Variants in TRPM5 observed in about 807,000 individuals in gnomAD.
The protein encoded by TRPM5 is transient receptor potential cation channel subfamily M member 5, also known as MLSN1 and TRP-related.
In TRPM5, 121 loss-of-function variants were observed where a neutral mutation model predicts 124.9. The ratio of observed to expected loss-of-function variants is 0.97; its 90% CI spans 0.84 to 1.13. The LOEUF is 1.13. TRPM5 is among the 50% of genes most tolerant of loss of function. TRPM5 has a pLI of 0.00. For missense variants in TRPM5, 1,643 were observed against 1,589.1 expected, an observed-to-expected ratio of 1.03 and a Z score of -0.58; for synonymous variants, 781 against 700.5, an observed-to-expected ratio of 1.11 and a Z score of -1.81.
At position 2,412,745 on chromosome 11, in the gene TRPM5, G is replaced by A; in HGVS notation, c.2355+9C>T. On this transcript the variant is annotated intron_variant, in intron 15 of 23. Coordinates refer to ENST00000155858, the Ensembl canonical transcript of TRPM5. ...AGTGGAGGGGACCTAGGCTAGTGTG[G>A]CCACCGACCTGCCGGATTTCCTCCA... 6.3e-7 allele frequency: 1 copy of A among 1,582,586 alleles called. No homozygotes were observed.
chr11:2,423,333 C>A (rs899281150), upstream of TRPM5, among the ~76,000 whole-genome samples: 7 of 152,212 alleles, frequency 4.6e-5, no homozygotes, highest in Admixed American at 1.3e-4. Flanking sequence ...CGCCTGGTTC[C>A]TCTACTCACC....
At chr11:2,428,688 G>A in the TRPM5 span, among the ~76,000 whole-genome samples, 5 of 151,882 alleles carry the variant, frequency 3.3e-5, no homozygotes, top group African/African-American at 1.2e-4. The surrounding 1 kb of genome is among the most constrained non-coding windows in gnomAD (Gnocchi z 4.0). Context: ...AGATGATGAT[G>A]ATAGTGGTGC....
chr11:2,430,863 G>A, the TRPM5 span, among the ~76,000 whole-genome samples: 4 of 144,176 alleles, frequency 2.8e-5, no homozygotes, highest in Admixed American at 3.0e-4. Flanking sequence ...GATGGAGGTG[G>A]TGTTGGTGGT....
the TRPM5 span, among the ~76,000 whole-genome samples, chr11:2,429,349 G>A: frequency 6.6e-6 from 1 of 151,312 alleles, no homozygotes; most frequent in South Asian, 2.1e-4. This position sits in a 1 kb window ranked among gnomAD's most constrained non-coding sequence, Gnocchi z 8.4. Context: ...TGATGACAAT[G>A]AGTATGATGA....
chr11:2,406,539 G>A, intron 21 of TRPM5, 122 bp downstream of exon 26: 5 of 1,354,200 alleles, frequency 3.7e-6, no homozygotes, highest in Non-Finnish European at 5.0e-6. Context: ...CTCGGCCAGA[G>A]CCCTGCCCCT....
chr11:2,413,572 A>G (rs745701490), exon 13 of TRPM5: 6 of 1,612,324 alleles, frequency 3.7e-6, no homozygotes, highest in Non-Finnish European at 8.5e-7. Flanking sequence ...CCCCCACCAG[A>G]TCCTGGTCAG....
exon 23 of TRPM5, chr11:2,405,578 C>T (rs1158771808): frequency 1.9e-6 from 3 of 1,564,314 alleles, no homozygotes; most frequent in African/African-American, 1.3e-5. Context: ...GACACGAGCA[C>T]CGAGCAGTAG....
At chr11:2,416,010 T>A in exon 8 of TRPM5, 1 of 1,594,340 alleles carries the variant, frequency 6.3e-7, no homozygotes. Flanking sequence ...GGCTCCTGGC[T>A]GTGGCTCTTG....
chr11:2,416,065 A>G, intron 7 of TRPM5, 41 bp from the exon 13 acceptor site: 1 of 1,466,910 alleles, frequency 6.8e-7, no homozygotes, highest in South Asian at 1.2e-5. Flanking sequence ...GGTGGAGCTG[A>G]GGGCCTCACA....
the TRPM5 span, among the ~76,000 whole-genome samples, chr11:2,436,505 C>G: frequency 6.6e-6 from 1 of 152,266 alleles, no homozygotes; most frequent in Non-Finnish European, 1.5e-5. Flanking sequence ...CCGGACAGGC[C>G]TGCCTGGGCC....
chr11:2,418,169 G>C, exon 6 of TRPM5: 2 of 1,564,510 alleles, frequency 1.3e-6, no homozygotes, highest in Non-Finnish European at 1.7e-6. Context: ...GCACATACCA[G>C]CTTGGTCCAG....
At chr11:2,441,347 C>T in the TRPM5 span, among the ~76,000 whole-genome samples, 1 of 152,142 alleles carries the variant, frequency 6.6e-6, no homozygotes, top group Non-Finnish European at 1.5e-5. The surrounding 1 kb of genome is among the most constrained non-coding windows in gnomAD (Gnocchi z 7.2). Flanking sequence ...GGCCACTGGG[C>T]TCGGTCAGGC....
chr11:2,414,251 G>A (rs556054826), intron 11 of TRPM5, 45 bp from the exon 17 acceptor site: 33 of 1,577,986 alleles, frequency 2.1e-5, no homozygotes, highest in Middle Eastern at 2.2e-4. Flanking sequence ...GCCGATGCCC[G>A]GCCCGGCCCC....
chr11:2,443,820 CCCA>C, the TRPM5 span, among the ~76,000 whole-genome samples: 10 of 148,756 alleles, frequency 6.7e-5, no homozygotes, highest in African/African-American at 2.5e-4. This position sits in a 1 kb window ranked among gnomAD's most constrained non-coding sequence, Gnocchi z 5.0. Context: ...TTGGCTGCCC[CCCA>C]CCCCCCCCCC....
At chr11:2,434,719 A>G in the TRPM5 span, among the ~76,000 whole-genome samples, 1 of 151,134 alleles carries the variant, frequency 6.6e-6, no homozygotes, top group Non-Finnish European at 1.5e-5. Context: ...CTGTGTGGAC[A>G]CTGTGTGTGT....
At chr11:2,427,269 C>T (rs914489796), upstream of TRPM5, among the ~76,000 whole-genome samples, 2 of 152,220 alleles carry the variant, frequency 1.3e-5, no homozygotes, top group Non-Finnish European at 2.9e-5. Context: ...GGAGGAGGTA[C>T]AATCCTGCTC....
chr11:2,404,234 G>A (rs1850267158), downstream of TRPM5, among the ~76,000 whole-genome samples: 3 of 152,224 alleles, frequency 2.0e-5, no homozygotes, highest in South Asian at 6.2e-4. Flanking sequence ...TGAGTGGGCA[G>A]TTGGGGGGCC....
Position 2,422,531 on chromosome 11 carries a change from G to A in TRPM5, c.118-210C>T, listed in dbSNP as rs187012521. ...GGGGGCAGGTAGCAGGAGGAGAGTG[G>A]CCCCCAATATCCCTTCTGGGACAGG... On this transcript the variant is annotated intron_variant, in intron 1 of 23. Transcript: ENST00000155858. 2.8e-3 allele frequency among the ~76,000 whole-genome samples: 431 copies of A among 152,040 alleles called. 3 individuals are homozygous for A. The highest frequency in any genetic ancestry group is 9.9e-3 in the African/African-American group (410 of 41,468).
In TRPM5 at chr11:2,422,391, G is replaced by T. The variant is rs1424763368; in HGVS notation, c.118-70C>A. ...TGGGAGCTGCTGGGCATTGGGGGGG[G>T]CTGGACACAAGGGGGCACTGGGGAG... On this transcript the variant is annotated intron_variant, in intron 1 of 23. Transcript: ENST00000155858. 47 of 1,265,058 alleles carry T rather than the reference G, an allele frequency of 3.7e-5. 1 individual carries two copies. In the Admixed American group the frequency reaches 9.3e-4, roughly 25 times the overall value. The allele number at this position is 1,265,058 out of a possible 1,614,324, so 78.4% of individuals were successfully genotyped here. A position where few individuals can be genotyped will look rare whatever the true frequency, so the allele number is the denominator to read the frequency against.
Sources: gnomAD v4.1 joint callset for allele counts (sites outside exome capture counted in the v4.1 genomes callset) on GRCh38, gnomAD v4.1.1 for gene constraint, Gnocchi (gnomAD v3.1) non-coding constraint, MANE v1.5 for transcripts, NCBI Gene and HGNC (gene_info 2026-07-23, HGNC 2026-07-21) for gene names.